CCDC61: variants seen among roughly 807,000 people sequenced by gnomAD.
CCDC61 encodes coiled-coil domain containing 61.
In CCDC61, 55 loss-of-function variants were observed where a neutral mutation model predicts 63.0. The observed-to-expected ratio is 0.87, with a 90% CI of 0.70 to 1.09. The LOEUF (loss-of-function observed/expected upper bound fraction) is 1.09. CCDC61 is among the 50% of genes least tolerant of loss of function. The pLI, the probability that CCDC61 is intolerant of heterozygous loss-of-function variation, is 0.00. For missense variants in CCDC61, 651 were observed against 731.4 expected, an observed-to-expected ratio of 0.89 and a Z score of 1.27; for synonymous variants, 270 against 317.0, an observed-to-expected ratio of 0.85 and a Z score of 1.58.
intron 4 of CCDC61, among the ~76,000 whole-genome samples, chr19:46,006,952 A>G (rs1299668396): frequency 6.6e-6 from 1 of 152,168 alleles, no homozygotes; most frequent in Non-Finnish European, 1.5e-5. Flanking sequence ...GTCACGTAAC[A>G]AGATGTCTAG....
In CCDC61 at chr19:46,006,824, C is replaced by G. The variant is rs1968721084; in HGVS notation, c.389+108C>G. On this transcript the variant is annotated intron_variant, in intron 4 of 13. Transcript: ENST00000595358. ...CCCAGGCAAGGTGATATTGGTTAAG[C>G]CTTGCCTTGGGAATCTTCCCTGTTG... The G allele has an allele frequency of 4.1e-5, 44 of 1,065,260 alleles. No individual in the cohort carries two copies. In the South Asian group the frequency reaches 6.8e-4, roughly 17 times the overall value. The allele number at this position is 1,065,260 out of a possible 1,614,324, so 66.0% of individuals were successfully genotyped here.
At chr19:46,013,489 T>C (rs182563875) in intron 5 of CCDC61, among the ~76,000 whole-genome samples, 1 of 152,306 alleles carries the variant, frequency 6.6e-6, no homozygotes, top group African/African-American at 2.4e-5. Flanking sequence ...ATGAAAATCT[T>C]AGTTTCTAGG....
chr19:46,006,289 G>C (rs78646525), intron 3 of CCDC61, among the ~76,000 whole-genome samples: 2,619 of 152,276 alleles, frequency 0.017, 83 homozygotes, highest in African/African-American at 0.06. Context: ...AAAGGGTCTC[G>C]TGGACCCCCC....
chr19:46,005,764 A>G (rs1019484357), intron 3 of CCDC61, among the ~76,000 whole-genome samples: 1 of 152,082 alleles, frequency 6.6e-6, no homozygotes, highest in Non-Finnish European at 1.5e-5. Context: ...GCCCGAGTCT[A>G]AATAACCATA....
intron 2 of CCDC61, 73 bp from the exon 3 acceptor site, chr19:46,003,346 G>A: frequency 1.3e-6 from 2 of 1,491,404 alleles, no homozygotes; most frequent in South Asian, 1.2e-5. Context: ...GGGTAGAATT[G>A]CAGAGCTTAG....
rs374851742 is a variant in CCDC61 at position 46,003,518 on chromosome 19, C to T, written c.231+17C>T. The T allele has an allele frequency of 5.8e-5, 37 of 642,762 alleles. No individual in the cohort carries two copies. Among genetic ancestry groups the T allele is most frequent in the East Asian group, 1.0e-4 (2 of 19,378 alleles). 39.8% of individuals were successfully genotyped at this position (642,762 alleles called of 1,614,324 possible). A position where few individuals can be genotyped will look rare whatever the true frequency, so the allele number is the denominator to read the frequency against. ...CTCACTCAGGTAGGGCCCGGGTTGG[C>T]GGGTTGGGGTGGGAGGGGGGTTCTG... On this transcript the variant is annotated intron_variant, in intron 3 of 13. Coordinates refer to ENST00000595358, the MANE Select transcript of CCDC61 (RefSeq NM_001267723.2).
At chr19:46,005,757 C>T (rs535426754) in intron 3 of CCDC61, among the ~76,000 whole-genome samples, 3 of 150,510 alleles carry the variant, frequency 2.0e-5, no homozygotes, top group Admixed American at 1.3e-4. Context: ...CCAGATAGCC[C>T]GAGTCTAAAT....
intron 1 of CCDC61, among the ~76,000 whole-genome samples, chr19:45,997,329 G>T (rs1968511754): frequency 6.6e-6 from 1 of 152,146 alleles, no homozygotes; most frequent in African/African-American, 2.4e-5. Context: ...AATAACTCCT[G>T]TCACTGTATG....
At chr19:46,006,792 C>T in intron 4 of CCDC61, 76 bp downstream of exon 4, 1 of 1,362,702 alleles carries the variant, frequency 7.3e-7, no homozygotes, top group South Asian at 1.4e-5. Flanking sequence ...CTTAGGAACC[C>T]CTGGCACCCA....
intron 3 of CCDC61, among the ~76,000 whole-genome samples, chr19:46,004,550 T>C (rs1187416220): frequency 3.9e-5 from 6 of 151,936 alleles, no homozygotes; most frequent in African/African-American, 7.3e-5. Context: ...CTGCAATCTC[T>C]GCCTCCTGGG....
At chr19:46,008,326 T>C in intron 5 of CCDC61, 25 bp downstream of exon 5, 1 of 460,814 alleles carries the variant, frequency 2.2e-6, no homozygotes, top group Non-Finnish European at 4.1e-6. Context: ...GGTGGGCAGC[T>C]GGGGCGGGTG....
rs187624751 is a variant in CCDC61 at position 46,018,040 on chromosome 19, C to T, written c.1369-38C>T. On this transcript the variant is annotated intron_variant, in intron 12 of 13. Coordinates refer to ENST00000595358, the MANE Select transcript of CCDC61 (RefSeq NM_001267723.2). This position sits in a 1 kb window ranked among gnomAD's most constrained non-coding sequence, Gnocchi z 4.2. ...ATTTAGGGGGACAGAAATAGAGGGA[C>T]GGTGGGTGACCCCCTTTCCTACCTT... 1,487 of 1,546,366 alleles carry T rather than the reference C, an allele frequency of 9.6e-4. 19 individuals carry two copies. In the African/African-American group the frequency reaches 0.017, roughly 18 times the overall value.
chr19:46,016,480 C>A lies in CCDC61; in HGVS notation c.1091+87C>A. 2 of 1,492,110 alleles carry A rather than the reference C, an allele frequency of 1.3e-6. No individual in the cohort carries two copies. The highest frequency in any genetic ancestry group is 1.8e-6 in the Non-Finnish European group (2 of 1,082,414). 92.4% of individuals were successfully genotyped at this position (1,492,110 alleles called of 1,614,324 possible). On this transcript the variant is annotated intron_variant, in intron 9 of 13. Coordinates refer to ENST00000595358, the MANE Select transcript of CCDC61 (RefSeq NM_001267723.2). The surrounding 1 kb of genome is among the most constrained non-coding windows in gnomAD (Gnocchi z 7.2). ...CATCTCTCCACGCCACCATCAGTCT[C>A]CATCCCCTGCCACCTGCTCGCTTCT...
In CCDC61 at chr19:46,015,331, TC is replaced by T; in HGVS notation, c.763-10del. ...CTCAGCCTGGACCTCCGCGCCCCTC[TC>T]CCCTCCCGGCAGCTCGAGGAGGCGA... On this transcript the variant is annotated splice_polypyrimidine_tract_variant and intron_variant, in intron 6 of 13. Transcript: ENST00000595358. The surrounding 1 kb of genome is among the most constrained non-coding windows in gnomAD (Gnocchi z 5.3). 6.3e-7 allele frequency: 1 copy of T among 1,596,648 alleles called. No individual in the cohort carries two copies. Among genetic ancestry groups the T allele is most frequent in the Non-Finnish European group, 8.5e-7 (1 of 1,177,302 alleles).
At chr19:45,998,273 A>G (rs1488613630) in intron 1 of CCDC61, among the ~76,000 whole-genome samples, 1 of 152,184 alleles carries the variant, frequency 6.6e-6, no homozygotes, top group Non-Finnish European at 1.5e-5. Context: ...TGTCTGAAGG[A>G]ACTTGGAGGA....
chr19:46,016,464 A>C lies in CCDC61; in HGVS notation c.1091+71A>C. ...CCCGCTCCCGGGCTCTCATCTCTCC[A>C]CGCCACCATCAGTCTCCATCCCCTG... On this transcript the variant is annotated intron_variant, in intron 9 of 13. Transcript: ENST00000595358. The surrounding 1 kb of genome is among the most constrained non-coding windows in gnomAD (Gnocchi z 7.2). 6.4e-7 allele frequency: 1 copy of C among 1,551,138 alleles called. No individual in the cohort carries two copies. Among genetic ancestry groups the C allele is most frequent in the South Asian group, 1.1e-5 (1 of 89,054 alleles).
rs1182550422 is a variant in CCDC61 at position 46,015,140 on chromosome 19, G to C, written c.643G>C (p.Glu215Gln). ...EALAGRAARQ[E>Q]AEALRGLVRG... ...GCTGGCCGGGCGCGCGGCACGCCAG[G>C]AGGCCGAGGCGCTGCGCGGGCTGGT... The change falls in exon 6 of 14, where the codon GAG (glutamate) becomes CAG (glutamine). Residue 215 changes from glutamate (E) to glutamine (Q), a missense_variant. Coordinates refer to ENST00000595358, the MANE Select transcript of CCDC61 (RefSeq NM_001267723.2). This position sits in a 1 kb window ranked among gnomAD's most constrained non-coding sequence, Gnocchi z 5.3. 3.1e-6 allele frequency: 4 copies of C among 1,274,442 alleles called. No homozygotes were observed. Among genetic ancestry groups the C allele is most frequent in the Non-Finnish European group, 3.9e-6 (4 of 1,014,136 alleles). The allele number at this position is 1,274,442 out of a possible 1,614,324, so 78.9% of individuals were successfully genotyped here. A position where few individuals can be genotyped will look rare whatever the true frequency, so the allele number is the denominator to read the frequency against.
chr19:46,010,635 T>C (rs1243114342), intron 5 of CCDC61, among the ~76,000 whole-genome samples: 2 of 152,200 alleles, frequency 1.3e-5, no homozygotes, highest in Non-Finnish European at 1.5e-5. Flanking sequence ...AGCTCCTTGT[T>C]AGAGAGTGTG....
chr19:45,999,289 A>G (rs1436063760), intron 1 of CCDC61, among the ~76,000 whole-genome samples: 2 of 149,758 alleles, frequency 1.3e-5, no homozygotes, highest in African/African-American at 2.5e-5. Context: ...TATGGGGACA[A>G]TGTGGAAGGC....
Sources: allele counts gnomAD v4.1 joint callset (sites outside exome capture counted in the v4.1 genomes callset), GRCh38; gene constraint gnomAD v4.1.1; non-coding constraint Gnocchi (gnomAD v3.1); transcripts MANE v1.5; gene names NCBI Gene and HGNC (gene_info 2026-07-23, HGNC 2026-07-21).